The following CD226 variants were observed in gnomAD, a reference collection of about 807,000 sequenced individuals.
CD226 encodes CD226 antigen.
In CD226, 24 loss-of-function variants were observed where a neutral mutation model predicts 34.9. The observed-to-expected ratio is 0.69, with a 90% CI of 0.50 to 0.97. The LOEUF (loss-of-function observed/expected upper bound fraction) is 0.97, where lower values mean the gene tolerates loss of function less well. Among genes scored for constraint, CD226 ranks in the 50% least tolerant of loss-of-function variants. The probability of loss-of-function intolerance (pLI) is 0.00; values close to 1 mark genes in which losing one functional copy is unlikely to be tolerated. For synonymous variants in CD226, 148 were observed against 147.4 expected (o/e 1.00, Z -0.03); for missense variants, 397 against 412.7 (o/e 0.96, Z 0.33).
upstream of CD226, among the ~76,000 whole-genome samples, chr18:69,949,964 T>A (rs2055835446): frequency 6.6e-6 from 1 of 151,748 alleles, no homozygotes; most frequent in Non-Finnish European, 1.5e-5. Flanking sequence ...ACACATGCTC[T>A]CACACTCACA....
chr18:69,882,178 G>C (rs947997245), intron 3 of CD226, among the ~76,000 whole-genome samples: 12 of 152,182 alleles, frequency 7.9e-5, no homozygotes, highest in Admixed American at 2.0e-4. Flanking sequence ...AGGGAAGCAA[G>C]CTTCCTAGCT....
At chr18:69,893,138 G>T (rs1985004213) in intron 3 of CD226, among the ~76,000 whole-genome samples, 1 of 152,122 alleles carries the variant, frequency 6.6e-6, no homozygotes, top group African/African-American at 2.4e-5. Context: ...ACAGTCAATG[G>T]CTGTCATCTT....
At chr18:69,921,510 T>G (rs76422462) in intron 2 of CD226, among the ~76,000 whole-genome samples, 1 of 152,154 alleles carries the variant, frequency 6.6e-6, no homozygotes, top group Admixed American at 6.5e-5. Flanking sequence ...CTTAGTCATA[T>G]AAGAGGGCAC....
chr18:69,902,527 G>A (rs2055200187), intron 2 of CD226, among the ~76,000 whole-genome samples: 1 of 150,776 alleles, frequency 6.6e-6, no homozygotes, highest in Non-Finnish European at 1.5e-5. Context: ...ACCTCCCTCT[G>A]CTATCTCCTT....
At chr18:69,935,403 G>A (rs186675117) in intron 2 of CD226, among the ~76,000 whole-genome samples, 194 of 152,272 alleles carry the variant, frequency 1.3e-3, no homozygotes, top group African/African-American at 4.3e-3. Flanking sequence ...TTGAAGTGAG[G>A]AATTTTTTAA....
chr18:69,869,411 C>G (rs1260590380), intron 4 of CD226, among the ~76,000 whole-genome samples: 1 of 152,126 alleles, frequency 6.6e-6, no homozygotes, highest in Non-Finnish European at 1.5e-5. Flanking sequence ...GAACAGAAAA[C>G]CAAATACCAC....
chr18:69,945,849 G>A (rs1349525008), intron 2 of CD226, among the ~76,000 whole-genome samples: 1 of 152,120 alleles, frequency 6.6e-6, no homozygotes, highest in African/African-American at 2.4e-5. Context: ...GGAAGGCAAG[G>A]AGAAGTCACG....
chr18:69,868,801 ACG>A (rs200490155), intron 4 of CD226, among the ~76,000 whole-genome samples: 11 of 64,662 alleles, frequency 1.7e-4, no homozygotes, highest in African/African-American at 4.2e-4. Context: ...GTGCGCGTGC[ACG>A]CACACACACA....
At chr18:69,929,608 G>A (rs1009482670) in intron 2 of CD226, among the ~76,000 whole-genome samples, 3 of 152,038 alleles carry the variant, frequency 2.0e-5, no homozygotes, top group African/African-American at 2.4e-5. Context: ...GTGCATACTC[G>A]TACACCCATG....
rs949803992 is a variant in CD226, at chr18:69,854,942, A to C, written c.*9372T>G. 2 of 152,312 alleles carry C rather than the reference A, an allele frequency of 1.3e-5. No individual in the cohort carries two copies. The highest frequency in any genetic ancestry group is 1.3e-4 in the Admixed American group (2 of 15,282). The allele number at this position is 152,312 out of a possible 1,614,324, so 9.4% of individuals were successfully genotyped here. On this transcript the variant is annotated 3_prime_UTR_variant, in exon 6 of 6. Coordinates refer to ENST00000582621, the MANE Select transcript of CD226 (RefSeq NM_001303618.2). ...GAAGCCTGAACTCAAGAAGGGGAAA[A>C]ACACATGAACAAACAAAACAAAGAC... is the stretch of plus-strand genomic sequence containing the variant.
chr18:69,946,113 G>A (rs2055786519), intron 2 of CD226, among the ~76,000 whole-genome samples: 1 of 147,528 alleles, frequency 6.8e-6, no homozygotes, highest in Admixed American at 6.8e-5. Context: ...GAGCCCAGGA[G>A]CTGGAGGTTG....
intron 2 of CD226, among the ~76,000 whole-genome samples, chr18:69,932,042 C>G (rs1346678304): frequency 1.3e-5 from 2 of 152,174 alleles, no homozygotes; most frequent in Non-Finnish European, 2.9e-5. Flanking sequence ...GGAAACCAGT[C>G]ATATTGGATT....
upstream of CD226, among the ~76,000 whole-genome samples, chr18:69,960,290 C>T (rs975376144): frequency 3.3e-5 from 5 of 150,358 alleles, no homozygotes; most frequent in Admixed American, 3.3e-4. Flanking sequence ...AGAATACAGG[C>T]AATAAAAGAC....
chr18:69,884,457 G>A (rs1354221544), intron 3 of CD226, among the ~76,000 whole-genome samples: 1 of 152,220 alleles, frequency 6.6e-6, no homozygotes, highest in African/African-American at 2.4e-5. Context: ...TAGAAAACTT[G>A]TAATTGGCAG....
chr18:69,903,901 G>T, intron 2 of CD226, among the ~76,000 whole-genome samples: 1 of 152,138 alleles, frequency 6.6e-6, no homozygotes, highest in Non-Finnish European at 1.5e-5. Flanking sequence ...GACACTAATA[G>T]GGAGTAAGGA....
chr18:69,931,444 GA>G (rs2055588496), intron 2 of CD226, among the ~76,000 whole-genome samples: 1 of 151,558 alleles, frequency 6.6e-6, no homozygotes, highest in African/African-American at 2.4e-5. Flanking sequence ...ACTGAGCAAA[GA>G]AGAAAAAAAC....
At chr18:69,926,739 T>C (rs1225156230) in intron 2 of CD226, among the ~76,000 whole-genome samples, 3 of 152,210 alleles carry the variant, frequency 2.0e-5, no homozygotes, top group Admixed American at 6.5e-5. Context: ...TATTATCTCA[T>C]TAGTTCTCAT....
chr18:69,869,950 G>A (rs993868620), intron 4 of CD226, among the ~76,000 whole-genome samples: 12 of 150,286 alleles, frequency 8.0e-5, no homozygotes, highest in South Asian at 2.1e-4. Context: ...ACAGGCGCCC[G>A]CCACCATGCC....
At chr18:69,936,804 A>G (rs895959085) in intron 2 of CD226, among the ~76,000 whole-genome samples, 1 of 152,206 alleles carries the variant, frequency 6.6e-6, no homozygotes, top group Non-Finnish European at 1.5e-5. Context: ...ATAGAGATAC[A>G]TATGATAGAC....
Sources: allele counts gnomAD v4.1 joint callset (sites outside exome capture counted in the v4.1 genomes callset), GRCh38; gene constraint gnomAD v4.1.1; transcripts MANE v1.5; gene names NCBI Gene and HGNC (gene_info 2026-07-23, HGNC 2026-07-21).